Variants in KLHL22 observed in about 807,000 individuals in gnomAD.
KLHL22 encodes kelch like family member 22.
KLHL22 carries 18 observed loss-of-function variants against 60.7 expected under a neutral mutation model. That is an observed-to-expected ratio of 0.30 (90% CI 0.20 to 0.44). The LOEUF (loss-of-function observed/expected upper bound fraction) is 0.44. Among genes scored for constraint, KLHL22 ranks in the 20% least tolerant of loss-of-function variants. The probability of loss-of-function intolerance (pLI) is 1.00; values close to 1 mark genes in which losing one functional copy is unlikely to be tolerated. For missense variants in KLHL22, 596 were observed against 852.3 expected, an observed-to-expected ratio of 0.70 and a Z score of 3.74; for synonymous variants, 355 against 354.5, an observed-to-expected ratio of 1.00 and a Z score of -0.01.
At chr22:20,487,384 A>AT (rs35035626) in intron 2 of KLHL22, among the ~76,000 whole-genome samples, 40 of 139,246 alleles carry the variant, frequency 2.9e-4, no homozygotes, top group African/African-American at 6.4e-4. Context: ...CACCCAGCTA[A>AT]TTTTTTTTTT....
At chr22:20,459,491 C>T (rs527377249) in intron 4 of KLHL22, among the ~76,000 whole-genome samples, 1 of 152,184 alleles carries the variant, frequency 6.6e-6, no homozygotes, top group Admixed American at 6.5e-5. Context: ...TCTTGGGATT[C>T]GCTCAGTTCT....
intron 6 of KLHL22, among the ~76,000 whole-genome samples, chr22:20,445,685 A>G (rs5997675): frequency 0.36 from 55,074 of 152,120 alleles, 10,167 homozygotes; most frequent in East Asian, 0.47. Flanking sequence ...GGGCTGAAAC[A>G]ATCCTCCCAC....
In KLHL22 at chr22:20,489,032, G is replaced by A. The variant is rs765437450; in HGVS notation, c.180C>T (p.His60=). ...CCAGCAGGATGCGATGGGCCTCGAT[G>A]TGTCTGCCCTCCACCACCAGCACAA... ...FDVVLVVEGR[H]IEAHRILLAA... is the part of the protein sequence containing the mutation. Residue 60 remains histidine, a synonymous_variant, in exon 2 of 7, where the codon CAC becomes CAT. Coordinates refer to ENST00000328879, the MANE Select transcript of KLHL22 (RefSeq NM_032775.4). The A allele has an allele frequency of 2.2e-5, 36 of 1,613,966 alleles. No individual in the cohort carries two copies. Among genetic ancestry groups the A allele is most frequent in the Non-Finnish European group, 2.9e-5 (34 of 1,180,054 alleles).
chr22:20,464,801 A>G, intron 4 of KLHL22, 57 bp downstream of exon 4: 1 of 1,098,700 alleles, frequency 9.1e-7, no homozygotes, highest in East Asian at 2.4e-5. Context: ...TCAGCCCATG[A>G]CTTCCACACC....
At chr22:20,446,135 C>T (rs1355838258) in intron 6 of KLHL22, among the ~76,000 whole-genome samples, 1 of 152,150 alleles carries the variant, frequency 6.6e-6, no homozygotes, top group African/African-American at 2.4e-5. Context: ...TTTGTCCAAA[C>T]CTATAGAATG....
At chr22:20,458,211 A>C (rs183362837) in intron 4 of KLHL22, among the ~76,000 whole-genome samples, 68 of 151,418 alleles carry the variant, frequency 4.5e-4, no homozygotes, top group Non-Finnish European at 8.2e-4. Flanking sequence ...CACAGCATGG[A>C]AGGAATGGCC....
chr22:20,473,895 T>C (rs1212391012), intron 2 of KLHL22, among the ~76,000 whole-genome samples: 2 of 151,528 alleles, frequency 1.3e-5, no homozygotes, highest in African/African-American at 4.9e-5. Context: ...AAAAATACAG[T>C]ATAGGTTGTG....
intron 4 of KLHL22, among the ~76,000 whole-genome samples, chr22:20,458,335 C>A (rs1465913899): frequency 7.4e-6 from 1 of 135,832 alleles, no homozygotes; most frequent in Non-Finnish European, 1.5e-5. Flanking sequence ...GGCTGAAGTG[C>A]AGTGGCACAA....
At chr22:20,450,332 C>T in intron 5 of KLHL22, 1 of 1,270,696 alleles carries the variant, frequency 7.9e-7, no homozygotes, top group Admixed American at 1.7e-5. Context: ...GAAGGGGAAA[C>T]CCTATGTTGA....
At position 20,464,967 on chromosome 22, in the gene KLHL22, G is replaced by T. The variant is rs1046969211; in HGVS notation, c.1003C>A (p.Leu335Met). The T allele has an allele frequency of 3.7e-6, 6 of 1,609,880 alleles. No individual in the cohort carries two copies. The African/African-American group carries it at 6.7e-5, about 18-fold the overall frequency. ...LGEWKHFTAS[L>M]APRMSNQGIA... ...CCCTGGTTGGACATGCGGGGGGCCA[G>T]GGAGGCAGTGAAGTGCTTCCACTCT... The change falls in exon 4 of 7, where the codon CTG becomes ATG. Residue 335 changes from leucine to methionine, a missense_variant. Leu to Met is a conservative substitution (Grantham distance 15). Transcript: ENST00000328879.
chr22:20,449,959 G>C (rs12168610), intron 5 of KLHL22, among the ~76,000 whole-genome samples: 2 of 152,288 alleles, frequency 1.3e-5, no homozygotes, highest in African/African-American at 2.4e-5. Context: ...CCTCCGGGCC[G>C]GGGCGGCGGC....
At chr22:20,454,189 C>A (rs1358004044) in intron 5 of KLHL22, among the ~76,000 whole-genome samples, 2 of 151,964 alleles carry the variant, frequency 1.3e-5, no homozygotes, top group Non-Finnish European at 2.9e-5. Context: ...ATTAGCTGGG[C>A]ATGGTGGTGC....
At chr22:20,462,093 C>T (rs962100588) in intron 4 of KLHL22, among the ~76,000 whole-genome samples, 3 of 149,758 alleles carry the variant, frequency 2.0e-5, no homozygotes, top group African/African-American at 4.9e-5. Flanking sequence ...CAGCGAGACT[C>T]CATCTCAAAA....
At chr22:20,451,378 C>G (rs536552022) in intron 5 of KLHL22, 4 of 1,611,718 alleles carry the variant, frequency 2.5e-6, no homozygotes, top group Non-Finnish European at 2.5e-6. Flanking sequence ...AGGTGCCGGA[C>G]TCGTAGTGGC....
intron 1 of KLHL22, among the ~76,000 whole-genome samples, chr22:20,494,506 G>C (rs950136392): frequency 2.6e-5 from 4 of 152,042 alleles, no homozygotes; most frequent in Non-Finnish European, 5.9e-5. Flanking sequence ...TCAGCCTCCC[G>C]AGTAGCTGGG....
chr22:20,447,782 C>T (rs533466719), intron 5 of KLHL22, among the ~76,000 whole-genome samples: 72 of 152,250 alleles, frequency 4.7e-4, no homozygotes, highest in South Asian at 8.3e-4. Context: ...ACCTCGTGAC[C>T]CACCTGCCTC....
intron 5 of KLHL22, chr22:20,450,989 GCCAGCAGTCTC>G: frequency 6.4e-7 from 1 of 1,568,926 alleles, no homozygotes; most frequent in South Asian, 1.1e-5. Flanking sequence ...GGCTTCGGAA[GCCAGCAGTCTC>G]CCATCGATGC....
intron 6 of KLHL22, among the ~76,000 whole-genome samples, chr22:20,443,632 G>A (rs368322517): frequency 2.6e-5 from 4 of 152,092 alleles, no homozygotes; most frequent in African/African-American, 4.8e-5. Context: ...CCAGCTACTC[G>A]GGAGGCTGAG....
intron 2 of KLHL22, among the ~76,000 whole-genome samples, chr22:20,478,008 G>A (rs921444779): frequency 1.3e-5 from 2 of 152,290 alleles, no homozygotes; most frequent in African/African-American, 4.8e-5. Context: ...TTACTCTGAA[G>A]TGAATATGCA....
Sources: gnomAD v4.1 joint callset for allele counts (sites outside exome capture counted in the v4.1 genomes callset) on GRCh38, gnomAD v4.1.1 for gene constraint, MANE v1.5 for transcripts, NCBI Gene and HGNC (gene_info 2026-07-23, HGNC 2026-07-21) for gene names.